Variants in WASL observed in about 807,000 individuals in gnomAD.
WASL encodes the protein actin nucleation-promoting factor WASL.
WASL carries 20 observed loss-of-function variants against 55.5 expected under a neutral mutation model. That is an observed-to-expected ratio of 0.36 (90% CI 0.25 to 0.52). The LOEUF (loss-of-function observed/expected upper bound fraction) is 0.52, where lower values mean the gene tolerates loss of function less well. WASL is among the 20% of genes least tolerant of loss of function. WASL has a pLI of 0.92. For missense variants in WASL, 504 were observed against 622.5 expected, an observed-to-expected ratio of 0.81 and a Z score of 2.03; for synonymous variants, 249 against 217.6, an observed-to-expected ratio of 1.14 and a Z score of -1.27.
intron 2 of WASL, among the ~76,000 whole-genome samples, 178 bp downstream of exon 2, chr7:123,708,911 T>C (rs542671771): frequency 6.6e-6 from 1 of 151,988 alleles, no homozygotes; most frequent in East Asian, 1.9e-4. Flanking sequence ...GCTTCAGACA[T>C]GTTCCCATTT....
chr7:123,686,578 TA>T (rs932216771), intron 10 of WASL, among the ~76,000 whole-genome samples: 8 of 151,466 alleles, frequency 5.3e-5, no homozygotes, highest in African/African-American at 9.7e-5. Context: ...TACATACTAT[TA>T]AAAAAAAACT....
At chr7:123,721,097 C>A (rs1803936413) in intron 1 of WASL, among the ~76,000 whole-genome samples, 2 of 152,150 alleles carry the variant, frequency 1.3e-5, no homozygotes, top group Non-Finnish European at 2.9e-5. Flanking sequence ...GGGAGATAGC[C>A]AGTCTATAAT....
intron 8 of WASL, among the ~76,000 whole-genome samples, chr7:123,693,128 T>G (rs968336304): frequency 1.3e-5 from 2 of 152,276 alleles, no homozygotes; most frequent in African/African-American, 4.8e-5. Flanking sequence ...TTGGAATTAG[T>G]ACCAGTTCTG....
intron 1 of WASL, among the ~76,000 whole-genome samples, chr7:123,743,497 T>C (rs1350808137): frequency 3.3e-5 from 5 of 152,182 alleles, no homozygotes; most frequent in Admixed American, 3.3e-4. Flanking sequence ...CCCAAAGAGA[T>C]ACATTCAAGC....
chr7:123,709,285 T>G, intron 1 of WASL, 62 bp from the exon 2 acceptor site: 1 of 1,434,414 alleles, frequency 7.0e-7, no homozygotes, highest in South Asian at 1.6e-5. Context: ...TCATAGCCCC[T>G]GCTGACAGCT....
intron 1 of WASL, among the ~76,000 whole-genome samples, chr7:123,712,545 G>T (rs1366922556): frequency 6.6e-6 from 1 of 152,096 alleles, no homozygotes; most frequent in East Asian, 1.9e-4. Context: ...CATGGTAAAT[G>T]TAATAAACAT....
In WASL at chr7:123,709,057, CTAGTT is replaced by C. The variant is rs549771194; in HGVS notation, c.252+27_252+31del. On this transcript the variant is annotated intron_variant, in intron 2 of 10. Transcript: ENST00000223023. ...TAATTGATATAGAAAACCTAATCACCTAGTTTAAAGTGAAAGCAAAACAAAACTCA... is the reference window on the plus strand; with the variant it reads ...TAATTGATATAGAAAACCTAATCACCTAAAGTGAAAGCAAAACAAAACTCA... 109 of 1,561,666 alleles carry C rather than the reference CTAGTT, an allele frequency of 7.0e-5. No homozygotes were observed. In the African/African-American group the frequency reaches 1.0e-3, roughly 15 times the overall value.
intron 1 of WASL, among the ~76,000 whole-genome samples, chr7:123,712,865 T>C (rs1803781425): frequency 6.6e-6 from 1 of 152,196 alleles, no homozygotes; most frequent in African/African-American, 2.4e-5. Context: ...ATTCAGCACT[T>C]CTACTGTTTA....
At chr7:123,731,471 A>G (rs1804135229) in intron 1 of WASL, among the ~76,000 whole-genome samples, 1 of 152,256 alleles carries the variant, frequency 6.6e-6, no homozygotes, top group Non-Finnish European at 1.5e-5. Flanking sequence ...GTTGACATTT[A>G]TAGAATGCAG....
At chr7:123,718,404 A>G (rs965943214) in intron 1 of WASL, among the ~76,000 whole-genome samples, 1 of 152,208 alleles carries the variant, frequency 6.6e-6, no homozygotes, top group Non-Finnish European at 1.5e-5. Flanking sequence ...ACACTTAACG[A>G]AACAACTTTT....
intron 1 of WASL, among the ~76,000 whole-genome samples, chr7:123,732,375 T>C (rs928392009): frequency 6.6e-6 from 1 of 151,962 alleles, no homozygotes; most frequent in African/African-American, 2.4e-5. Context: ...AAGAGGTCTA[T>C]CACTATTGAT....
At chr7:123,723,171 T>G (rs1803981849) in intron 1 of WASL, among the ~76,000 whole-genome samples, 1 of 152,230 alleles carries the variant, frequency 6.6e-6, no homozygotes, top group Admixed American at 6.5e-5. Context: ...TAAATGCTAA[T>G]TATGATATTA....
intron 8 of WASL, among the ~76,000 whole-genome samples, chr7:123,694,494 G>A (rs1048160330): frequency 6.6e-6 from 1 of 152,142 alleles, no homozygotes; most frequent in African/African-American, 2.4e-5. Flanking sequence ...GGAAGATTTT[G>A]TATGGATTTT....
Position 123,748,456 on chromosome 7 carries a change from A to G in WASL, c.117+162T>C, listed in dbSNP as rs1804478879. Among the ~76,000 whole-genome samples, 4 of 151,720 alleles carry G rather than the reference A, an allele frequency of 2.6e-5. No individual in the cohort carries two copies. In the South Asian group the frequency reaches 8.3e-4, roughly 32 times the overall value. On this transcript the variant is annotated intron_variant, in intron 1 of 10. Transcript: ENST00000223023. Reference sequence around the variant, plus strand: ...CGACCGCCACGGCCCGCACCCTGGGAGCAGGGCGAGGGCGCCGACGAGGGG... The same window carrying G: ...CGACCGCCACGGCCCGCACCCTGGGGGCAGGGCGAGGGCGCCGACGAGGGG...
At chr7:123,706,250 T>C in intron 4 of WASL, 27 bp downstream of exon 4, 1 of 1,603,442 alleles carries the variant, frequency 6.2e-7, no homozygotes, top group Non-Finnish European at 8.5e-7. Context: ...TTTGCTGGCC[T>C]GATTTAAGTA....
chr7:123,740,988 T>C (rs1475082920), intron 1 of WASL, among the ~76,000 whole-genome samples: 1 of 152,210 alleles, frequency 6.6e-6, no homozygotes, highest in African/African-American at 2.4e-5. Flanking sequence ...CTCTGGGTAC[T>C]TGGATTTCCT....
At chr7:123,719,238 A>T (rs1803895894) in intron 1 of WASL, among the ~76,000 whole-genome samples, 1 of 152,252 alleles carries the variant, frequency 6.6e-6, no homozygotes. Flanking sequence ...TCATAAAAAG[A>T]AATGTGCAGC....
Position 123,692,377 on chromosome 7 carries a change from G to A in WASL, c.1317C>T (p.Asp439=), listed in dbSNP as rs1562957277. ...VSCSGRDALL[D]QIRQGIQLKS... ...TTAGTTGGATACCCTGTCGTATCTG[G>A]TCTAACAGTGCATCTCGTCCAGAGC... The change falls in exon 9 of 11, where the codon GAC becomes GAT. Residue 439 remains aspartate (D), a synonymous_variant. Coordinates refer to ENST00000223023, the MANE Select transcript of WASL (RefSeq NM_003941.4). 2 of 1,613,272 alleles carry A rather than the reference G, an allele frequency of 1.2e-6. No individual in the cohort carries two copies. Among genetic ancestry groups the A allele is most frequent in the South Asian group, 2.2e-5 (2 of 91,060 alleles).
chr7:123,696,492 G>C (rs1165165391), intron 6 of WASL, 87 bp downstream of exon 6: 8 of 1,328,326 alleles, frequency 6.0e-6, no homozygotes, highest in Non-Finnish European at 7.9e-6. Flanking sequence ...CCCGAAAAGA[G>C]AAGAAAATTT....
Sources: allele counts gnomAD v4.1 joint callset (sites outside exome capture counted in the v4.1 genomes callset), GRCh38; gene constraint gnomAD v4.1.1; transcripts MANE v1.5; gene names NCBI Gene and HGNC (gene_info 2026-07-23, HGNC 2026-07-21).